DNAH5: variants seen among roughly 807,000 people sequenced by gnomAD.
The protein encoded by DNAH5 is dynein axonemal heavy chain 5.
DNAH5 carries 372 observed loss-of-function variants against 518.2 expected under a neutral mutation model. The observed-to-expected ratio is 0.72, with a 90% CI of 0.66 to 0.78. The LOEUF (loss-of-function observed/expected upper bound fraction) is 0.78, where lower values mean the gene tolerates loss of function less well. Among genes scored for constraint, DNAH5 ranks in the 30% least tolerant of loss-of-function variants. The pLI, the probability that DNAH5 is intolerant of heterozygous loss-of-function variation, is 0.00. For missense variants in DNAH5, 5,523 were observed against 5,687.0 expected (o/e 0.97, Z 0.93); for synonymous variants, 2,039 against 2,025.9 (o/e 1.01, Z -0.17).
rs1561407436 is a variant in DNAH5, at chr5:13,842,445, A to AGAG, written c.5272-542_5272-541insCTC. ...AAGAAAAGAAAGAAAGAAAGAAAGA[A>AGAG]AGAAAGAAAGAAAGAAAGAAAGAAA... is the stretch of plus-strand genomic sequence containing the variant. On this transcript the variant is annotated intron_variant, in intron 32 of 78. Coordinates refer to ENST00000265104, the MANE Select transcript of DNAH5 (RefSeq NM_001369.3). 5.1e-5 allele frequency among the ~76,000 whole-genome samples: 5 copies of AGAG among 97,850 alleles called. 1 individual carries two copies. The highest frequency in any genetic ancestry group is 2.3e-4 in the African/African-American group (5 of 21,386). 64.2% of individuals were successfully genotyped at this position (97,850 alleles called of 152,430 possible).
intron 3 of DNAH5, among the ~76,000 whole-genome samples, chr5:13,925,492 C>T (rs1561586279): frequency 6.6e-6 from 1 of 152,116 alleles, no homozygotes; most frequent in African/African-American, 2.4e-5. Flanking sequence ...GTTTGATTGG[C>T]CTTACAGTTC....
At chr5:13,989,782 C>T (rs547327379) in intron 1 of DNAH5, among the ~76,000 whole-genome samples, 3 of 151,908 alleles carry the variant, frequency 2.0e-5, no homozygotes, top group South Asian at 2.1e-4. Flanking sequence ...CACACCCAGC[C>T]GAGGGAGACT....
At chr5:13,731,571 G>T (rs945429982) in intron 68 of DNAH5, among the ~76,000 whole-genome samples, 2 of 152,162 alleles carry the variant, frequency 1.3e-5, no homozygotes, top group Non-Finnish European at 2.9e-5. Flanking sequence ...GACCCTTGAT[G>T]AATAAATAGC....
chr5:13,739,850 A>G (rs1276458956), intron 65 of DNAH5, among the ~76,000 whole-genome samples: 1 of 152,076 alleles, frequency 6.6e-6, no homozygotes, highest in Non-Finnish European at 1.5e-5. Flanking sequence ...TTATCCCCAT[A>G]CTACTCCATG....
At chr5:13,741,968 T>C (rs916419718) in intron 65 of DNAH5, among the ~76,000 whole-genome samples, 2 of 152,168 alleles carry the variant, frequency 1.3e-5, no homozygotes, top group Non-Finnish European at 2.9e-5. Context: ...GTGGCTGGAT[T>C]ATGATAACTG....
At chr5:13,860,625 G>C (rs972407398) in intron 29 of DNAH5, 1 of 152,226 alleles carries the variant, frequency 6.6e-6, no homozygotes, top group Non-Finnish European at 1.5e-5. Context: ...ACAGATGAGT[G>C]AGCCAGACCA....
intron 53 of DNAH5, among the ~76,000 whole-genome samples, chr5:13,780,093 C>G (rs1428478433): frequency 1.3e-5 from 2 of 152,124 alleles, no homozygotes; most frequent in Non-Finnish European, 2.9e-5. Context: ...TAACTTCTTC[C>G]AGGACTGACT....
intron 57 of DNAH5, 124 bp downstream of exon 57, chr5:13,769,375 GTA>G (rs1752990958): frequency 1.0e-5 from 10 of 955,916 alleles, no homozygotes; most frequent in African/African-American, 9.7e-5. Context: ...AAAATTAAGA[GTA>G]TTTTATTCCA....
chr5:13,748,272 G>A (rs542512003), intron 65 of DNAH5, among the ~76,000 whole-genome samples: 37 of 152,248 alleles, frequency 2.4e-4, no homozygotes, highest in African/African-American at 3.6e-4. Context: ...TGCTGTTTTC[G>A]TTACTATAAC....
intron 12 of DNAH5, among the ~76,000 whole-genome samples, chr5:13,904,516 T>C (rs1294799059): frequency 6.6e-6 from 1 of 150,402 alleles, no homozygotes; most frequent in Non-Finnish European, 1.5e-5. Flanking sequence ...TTTATATATA[T>C]GGATTCTATG....
intron 21 of DNAH5, among the ~76,000 whole-genome samples, chr5:13,881,451 C>A (rs1771671798): frequency 6.6e-6 from 1 of 151,688 alleles, no homozygotes; most frequent in Admixed American, 6.6e-5. Context: ...GATCTTATAA[C>A]AAATTATAAC....
At chr5:13,817,816 A>G in intron 41 of DNAH5, 122 bp from the exon 42 acceptor site, 1 of 851,864 alleles carries the variant, frequency 1.2e-6, no homozygotes, top group Non-Finnish European at 1.9e-6. Flanking sequence ...CTGCAGAACT[A>G]CATTGAAAAT....
chr5:13,842,758 G>T (rs2151865607), intron 32 of DNAH5, among the ~76,000 whole-genome samples: 1 of 152,140 alleles, frequency 6.6e-6, no homozygotes, highest in South Asian at 2.1e-4. Context: ...TCCTGAATAT[G>T]AATTTGTATT....
chr5:13,738,158 C>A (rs1007500694), intron 65 of DNAH5, among the ~76,000 whole-genome samples: 13 of 151,130 alleles, frequency 8.6e-5, no homozygotes, highest in Non-Finnish European at 1.2e-4. Flanking sequence ...ATGAAACCTG[C>A]AAAAAATACT....
intron 44 of DNAH5, chr5:13,810,584 C>CAAAAAAAAA (rs61113976): frequency 2.1e-4 from 21 of 99,710 alleles, no homozygotes; most frequent in South Asian, 3.7e-4. Context: ...ACTAAAAATA[C>CAAAAAAAAA]AAAAAAAAAA....
chr5:13,945,230 T>G (rs901319132), upstream of DNAH5, among the ~76,000 whole-genome samples: 2 of 152,236 alleles, frequency 1.3e-5, no homozygotes, highest in Non-Finnish European at 2.9e-5. Flanking sequence ...GCCAAATGCT[T>G]TGAGAGATCT....
chr5:13,971,081 A>ACTTTCCAG (rs1781831887), intron 1 of DNAH5, among the ~76,000 whole-genome samples: 1 of 151,662 alleles, frequency 6.6e-6, no homozygotes, highest in Non-Finnish European at 1.5e-5. Flanking sequence ...TATTGCTGAG[A>ACTTTCCAG]CTTTCCAGTG....
chr5:13,885,534 A>C (rs185357931), intron 18 of DNAH5, among the ~76,000 whole-genome samples: 1 of 152,182 alleles, frequency 6.6e-6, no homozygotes, highest in Admixed American at 6.5e-5. Context: ...TTCTGGTGCT[A>C]CCTCCCACCA....
In DNAH5 at chr5:13,922,307, C is replaced by T; in HGVS notation, c.460G>A (p.Asp154Asn). 1 of 1,613,954 alleles carries T rather than the reference C, an allele frequency of 6.2e-7. No individual in the cohort carries two copies. ...TTGAGCAGGCCTCCATCTGCCGCAT[C>T]TAACATGTTAAAACTCACCTCCTGG... ...IHQEVSFNML[D>N]AADGGLLNSV... Residue 154 changes from aspartate to asparagine, a missense_variant, in exon 5 of 79, where the codon GAT becomes AAT. Physicochemically the swap from Asp to Asn is conservative, Grantham distance 23. Around this residue, in one of 3 missense-constraint regions of DNAH5, gnomAD observed 5,121 missense variants for 5,223.3 expected, o/e 0.98. Coordinates refer to ENST00000265104, the MANE Select transcript of DNAH5 (RefSeq NM_001369.3).
Sources: allele counts gnomAD v4.1 joint callset (sites outside exome capture counted in the v4.1 genomes callset), GRCh38; gene constraint gnomAD v4.1.1; regional missense constraint gnomAD v4.1.1; transcripts MANE v1.5; gene names NCBI Gene and HGNC (gene_info 2026-07-23, HGNC 2026-07-21).